HDGFL2: variants seen among roughly 807,000 people sequenced by gnomAD.
HDGFL2 encodes the protein HDGF like 2, also known as hepatoma-derived growth factor-related protein 2.
HDGFL2 carries 36 observed loss-of-function variants against 77.1 expected under a neutral mutation model. That is an observed-to-expected ratio of 0.47 (90% CI 0.36 to 0.62). HDGFL2 has a LOEUF of 0.62. HDGFL2 is among the 20% of genes least tolerant of loss of function. The probability of loss-of-function intolerance (pLI) is 0.00; values close to 1 mark genes in which losing one functional copy is unlikely to be tolerated. For synonymous variants in HDGFL2, 463 were observed against 413.1 expected (o/e 1.12, Z -1.46); for missense variants, 976 against 973.4 (o/e 1.00, Z -0.04).
rs577562846 is a variant in HDGFL2, at chr19:4,498,766, G to A, written c.1474-48G>A. The A allele has an allele frequency of 2.6e-4, 349 of 1,338,788 alleles. 7 individuals carry two copies. The South Asian group carries it at 4.1e-3, about 16-fold the overall frequency. The allele number at this position is 1,338,788 out of a possible 1,614,324, so 82.9% of individuals were successfully genotyped here. On this transcript the variant is annotated intron_variant, in intron 12 of 15. Transcript: ENST00000616600. ...ACCCATCGGGGCCCTGGGACCCCTG[G>A]GGATCCCTTGGCCAGGCCGTCTCCC...
intron 4 of HDGFL2, 81 bp from the exon 5 acceptor site, chr19:4,491,485 G>C: frequency 8.3e-7 from 1 of 1,201,120 alleles, no homozygotes; most frequent in East Asian, 2.3e-5. Context: ...AGCTGTCGTG[G>C]GTGGTGGGCA....
intron 3 of HDGFL2, among the ~76,000 whole-genome samples, chr19:4,484,215 C>G (rs1272856377): frequency 6.6e-6 from 1 of 150,822 alleles, no homozygotes; most frequent in East Asian, 2.0e-4. Context: ...TCCTCAGTAG[C>G]TGGGACTACA....
At chr19:4,493,239 T>C (rs1599718011) in intron 6 of HDGFL2, among the ~76,000 whole-genome samples, 1 of 137,484 alleles carries the variant, frequency 7.3e-6, no homozygotes, top group East Asian at 2.0e-4. Context: ...GGTATCTGTG[T>C]GGTATGTGTG....
At chr19:4,499,395 G>A in intron 13 of HDGFL2, 96 bp from the exon 14 acceptor site, 1 of 1,061,098 alleles carries the variant, frequency 9.4e-7, no homozygotes, top group East Asian at 2.5e-5. Context: ...TCCCGGGAGG[G>A]GCTGCGGGAG....
intron 3 of HDGFL2, among the ~76,000 whole-genome samples, chr19:4,479,581 A>AAAAAAT (rs1402389892): frequency 7.0e-6 from 1 of 141,880 alleles, no homozygotes. Flanking sequence ...ATTCCATCTA[A>AAAAAAT]AAAAAAAAAA....
At chr19:4,494,563 G>C (rs1975651567) in intron 9 of HDGFL2, 88 bp downstream of exon 9, 3 of 1,037,394 alleles carry the variant, frequency 2.9e-6, no homozygotes, top group South Asian at 7.2e-5. Context: ...CCCAGGTTCC[G>C]GGACCCATCA....
chr19:4,480,385 GC>G (rs995061420), intron 3 of HDGFL2, among the ~76,000 whole-genome samples: 1 of 152,154 alleles, frequency 6.6e-6, no homozygotes, highest in Non-Finnish European at 1.5e-5. Context: ...CAAGCCAGGG[GC>G]AGGCCCTGGA....
intron 3 of HDGFL2, among the ~76,000 whole-genome samples, chr19:4,486,872 C>G (rs574514374): frequency 1.3e-5 from 2 of 152,158 alleles, no homozygotes; most frequent in East Asian, 3.9e-4. Context: ...GCCGCTAGCT[C>G]CTACCCCTTC....
chr19:4,472,554 C>A, intron 1 of HDGFL2, 132 bp downstream of exon 1: 2 of 487,576 alleles, frequency 4.1e-6, no homozygotes, highest in Non-Finnish European at 3.2e-6. Context: ...GTCTGGGGTT[C>A]ATGGGGTCTG....
chr19:4,487,069 A>G (rs1264916852), intron 3 of HDGFL2, among the ~76,000 whole-genome samples: 1 of 151,106 alleles, frequency 6.6e-6, no homozygotes, highest in East Asian at 2.0e-4. Context: ...GGGTTCAAGC[A>G]ATTCTCTGCC....
intron 6 of HDGFL2, among the ~76,000 whole-genome samples, chr19:4,492,475 G>C (rs1328879059): frequency 2.0e-5 from 3 of 151,900 alleles, no homozygotes; most frequent in South Asian, 4.2e-4. Flanking sequence ...GTGTGTGCCT[G>C]TGTGTCCATG....
intron 6 of HDGFL2, among the ~76,000 whole-genome samples, chr19:4,493,099 G>A (rs1975582015): frequency 8.4e-6 from 1 of 119,720 alleles, no homozygotes; most frequent in Non-Finnish European, 1.7e-5. Context: ...TCTGTGTGGT[G>A]TGTGGTGTGT....
At chr19:4,477,484 A>G (rs1370711920) in intron 3 of HDGFL2, among the ~76,000 whole-genome samples, 2 of 152,126 alleles carry the variant, frequency 1.3e-5, no homozygotes, top group Non-Finnish European at 2.9e-5. Context: ...GCCTGTCCCC[A>G]GCCTGGAAGG....
chr19:4,492,335 C>T (rs539851958), intron 6 of HDGFL2, among the ~76,000 whole-genome samples: 223 of 122,080 alleles, frequency 1.8e-3, no homozygotes, highest in Non-Finnish European at 3.0e-3. Flanking sequence ...GTGCACATGT[C>T]GTGCCTGTGT....
chr19:4,472,538 C>G (rs1303216171), intron 1 of HDGFL2, 116 bp downstream of exon 1: 29 of 619,554 alleles, frequency 4.7e-5, no homozygotes, highest in South Asian at 4.6e-4. Flanking sequence ...GAGCTGCGCC[C>G]CGGGGGTCTG....
At chr19:4,475,116 C>T (rs771661621) in intron 1 of HDGFL2, 159 bp from the exon 2 acceptor site, 77 of 648,846 alleles carry the variant, frequency 1.2e-4, no homozygotes, top group Non-Finnish European at 1.8e-4. Flanking sequence ...GTGAAGGGTA[C>T]ACAGAAGAAT....
At chr19:4,501,076 GC>G in intron 14 of HDGFL2, 114 bp from the exon 15 acceptor site, 3 of 1,291,496 alleles carry the variant, frequency 2.3e-6, no homozygotes, top group Non-Finnish European at 3.2e-6. Context: ...AGGTGGATGG[GC>G]ATGTGTCACC....
At position 4,475,278 on chromosome 19, in the gene HDGFL2, G is replaced by A; in HGVS notation, c.76G>A (p.Asp26Asn). 2 of 1,614,004 alleles carry A rather than the reference G, an allele frequency of 1.2e-6. No homozygotes were observed. Among genetic ancestry groups the A allele is most frequent in the Non-Finnish European group, 1.7e-6 (2 of 1,179,940 alleles). ...CCTCACTGGCCTCTCACTGCAGATC[G>A]ACGACATCGCGGATGGCGCCGTGAA... is the stretch of plus-strand genomic sequence containing the variant. Reference protein sequence around the residue: ...KGYPHWPARIDDIADGAVKPP... With the variant: ...KGYPHWPARINDIADGAVKPP... Residue 26 changes from aspartate (D) to asparagine (N), a missense_variant, in exon 2 of 16, where the codon GAC (aspartate) becomes AAC (asparagine). Around this residue, in one of 5 missense-constraint regions of HDGFL2, gnomAD observed 103 missense variants for 145.7 expected, o/e 0.71. Coordinates refer to ENST00000616600, the MANE Select transcript of HDGFL2 (RefSeq NM_001001520.3).
At chr19:4,500,083 G>A (rs1014493213) in intron 14 of HDGFL2, among the ~76,000 whole-genome samples, 3 of 152,090 alleles carry the variant, frequency 2.0e-5, no homozygotes, top group African/African-American at 7.2e-5. Flanking sequence ...GTGGAGGCTC[G>A]GGGGCGGAGG....
Sources: allele counts gnomAD v4.1 joint callset (sites outside exome capture counted in the v4.1 genomes callset), GRCh38; gene constraint gnomAD v4.1.1; regional missense constraint gnomAD v4.1.1; transcripts MANE v1.5; gene names NCBI Gene and HGNC (gene_info 2026-07-23, HGNC 2026-07-21).